The following SMAD4 variants were observed in gnomAD, a reference collection of about 807,000 sequenced individuals.
The protein encoded by SMAD4 is MAD homolog 4.
SMAD4 carries 7 observed loss-of-function variants against 63.2 expected under a neutral mutation model. That is an observed-to-expected ratio of 0.11 (90% CI 0.06 to 0.21). The LOEUF (loss-of-function observed/expected upper bound fraction) is 0.21. Among genes scored for constraint, SMAD4 ranks in the 10% least tolerant of loss-of-function variants. The probability of loss-of-function intolerance (pLI) is 1.00; values close to 1 mark genes in which losing one functional copy is unlikely to be tolerated. For missense variants in SMAD4, 312 were observed against 693.8 expected, an observed-to-expected ratio of 0.45 and a Z score of 6.18; for synonymous variants, 215 against 235.4, an observed-to-expected ratio of 0.91 and a Z score of 0.79.
chr18:51,077,881 A>C (rs965173341), intron 11 of SMAD4, among the ~76,000 whole-genome samples: 1 of 152,208 alleles, frequency 6.6e-6, no homozygotes, highest in African/African-American at 2.4e-5. Context: ...CTTATTCTGA[A>C]CTAGGCTGTT....
At chr18:51,045,428 T>G (rs1455960677) in intron 1 of SMAD4, among the ~76,000 whole-genome samples, 1 of 152,186 alleles carries the variant, frequency 6.6e-6, no homozygotes, top group African/African-American at 2.4e-5. Flanking sequence ...CAGTCCTGCT[T>G]TATCTTCTTT....
chr18:51,062,851 G>GTTTTTTTTTT lies in SMAD4; in HGVS notation c.956-2557_956-2548dup, dbSNP rs71171374. Among the ~76,000 whole-genome samples the GTTTTTTTTTT allele has an allele frequency of 1.5e-3, 101 of 65,404 alleles. 9 individuals are homozygous for GTTTTTTTTTT. The highest frequency in any genetic ancestry group is 1.8e-3 in the Non-Finnish European group (66 of 37,260). The allele number at this position is 65,404 out of a possible 152,430, so 42.9% of individuals were successfully genotyped here. On this transcript the variant is annotated intron_variant, in intron 8 of 11. Transcript: ENST00000342988. Reference sequence around the variant, plus strand: ...ACAGTCTAGTAATCTGGCTTTACTTGTTTTTTTTTTTTTTTTTTTTTTTTG... The same window carrying GTTTTTTTTTT: ...ACAGTCTAGTAATCTGGCTTTACTTGTTTTTTTTTTTTTTTTTTTTTTTTTTTTTTTTTTG...
At chr18:51,060,868 A>T (rs1393233497) in intron 8 of SMAD4, among the ~76,000 whole-genome samples, 1 of 152,004 alleles carries the variant, frequency 6.6e-6, no homozygotes, top group African/African-American at 2.4e-5. Flanking sequence ...TCCTGGGCTA[A>T]AGCAGTCCTC....
chr18:51,054,911 C>T lies in SMAD4; in HGVS notation c.585C>T (p.Tyr195=), dbSNP rs1316902116. The change falls in exon 5 of 12, where the codon TAC becomes TAT. Residue 195 remains tyrosine (Y), a synonymous_variant. Transcript: ENST00000342988. Reference sequence around the variant, plus strand: ...GTAATCGTGCATCGACAGAGACATACAGCACCCCAGCTCTGTTAGCCCCAT... The same window carrying T: ...GTAATCGTGCATCGACAGAGACATATAGCACCCCAGCTCTGTTAGCCCCAT... The part of the protein sequence containing the change: ...PPSNRASTET[Y]STPALLAPSE... 6.2e-7 allele frequency: 1 copy of T among 1,614,010 alleles called. No individual in the cohort carries two copies. Among genetic ancestry groups the T allele is most frequent in the East Asian group, 2.2e-5 (1 of 44,884 alleles).
chr18:51,048,998 A>G (rs985886127), intron 3 of SMAD4, 138 bp downstream of exon 3: 1 of 762,200 alleles, frequency 1.3e-6, no homozygotes, highest in African/African-American at 1.8e-5. Flanking sequence ...GACATTTTTA[A>G]TATACGTATT....
chr18:51,044,652 C>T (rs1909484418), intron 1 of SMAD4, among the ~76,000 whole-genome samples: 2 of 152,326 alleles, frequency 1.3e-5, no homozygotes, highest in Admixed American at 6.5e-5. Context: ...GTCGGCCTCC[C>T]AAAGTGCTGG....
chr18:51,048,182 A>G (rs1315031719), intron 2 of SMAD4, among the ~76,000 whole-genome samples: 13 of 152,090 alleles, frequency 8.5e-5, no homozygotes, highest in Admixed American at 8.5e-4. Flanking sequence ...TTTTTGAGAC[A>G]TGGTCTTACT....
At chr18:51,043,033 G>T (rs1328734669) in intron 1 of SMAD4, among the ~76,000 whole-genome samples, 1 of 152,146 alleles carries the variant, frequency 6.6e-6, no homozygotes, top group African/African-American at 2.4e-5. Flanking sequence ...AACTTAGTTG[G>T]CATGCCTGAG....
intron 5 of SMAD4, among the ~76,000 whole-genome samples, chr18:51,056,779 A>T (rs1298160684): frequency 1.3e-5 from 2 of 152,142 alleles, no homozygotes; most frequent in African/African-American, 4.8e-5. Flanking sequence ...GAATTGTATA[A>T]GGGAAGTATT....
intron 10 of SMAD4, among the ~76,000 whole-genome samples, chr18:51,075,531 C>T (rs1910449958): frequency 6.6e-6 from 1 of 152,126 alleles, no homozygotes; most frequent in Non-Finnish European, 1.5e-5. Context: ...TGTCCTTGTT[C>T]TCCTTTCCTG....
intron 10 of SMAD4, among the ~76,000 whole-genome samples, chr18:51,071,348 T>C (rs1462099793): frequency 6.6e-6 from 1 of 152,124 alleles, no homozygotes; most frequent in Non-Finnish European, 1.5e-5. Context: ...AGCCATAATT[T>C]CATTTTATAA....
rs200778699 is a variant in SMAD4, at chr18:51,049,347, C to T, written c.454+23C>T. On this transcript the variant is annotated intron_variant, in intron 4 of 11. Coordinates refer to ENST00000342988, the MANE Select transcript of SMAD4 (RefSeq NM_005359.6). ...ATGGTAGGTAATCTGTTTCTTACTA[C>T]TTTCTCTTTGTTTTGTCCTATCCTC... The T allele has an allele frequency of 3.0e-4, 477 of 1,574,666 alleles. 1 individual carries two copies. In the African/African-American group the frequency reaches 5.3e-3, roughly 17 times the overall value.
chr18:51,056,820 C>T lies in SMAD4; in HGVS notation c.668-1305C>T, dbSNP rs543773158. Among the ~76,000 whole-genome samples, 13 of 152,178 alleles carry T rather than the reference C, an allele frequency of 8.5e-5. No individual in the cohort carries two copies. The East Asian group carries it at 2.5e-3, about 29-fold the overall frequency. On this transcript the variant is annotated intron_variant, in intron 5 of 11. Coordinates refer to ENST00000342988, the MANE Select transcript of SMAD4 (RefSeq NM_005359.6). ...TGGATAACTACAGTGAGTCACTTTA[C>T]AATTTATGTTCTTTTGACACCTGAA...
chr18:51,031,013 C>T (rs891150394), intron 1 of SMAD4, among the ~76,000 whole-genome samples: 9 of 152,298 alleles, frequency 5.9e-5, no homozygotes, highest in African/African-American at 1.9e-4. Flanking sequence ...AATTGTTTGT[C>T]TAAATTTATT....
intron 7 of SMAD4, among the ~76,000 whole-genome samples, chr18:51,059,506 T>G (rs950785912): frequency 3.9e-5 from 6 of 152,242 alleles, no homozygotes; most frequent in Non-Finnish European, 5.9e-5. Context: ...GCACTTGTTT[T>G]TAGAATAGAC....
chr18:51,072,622 G>T (rs1910347545), intron 10 of SMAD4, among the ~76,000 whole-genome samples: 1 of 152,200 alleles, frequency 6.6e-6, no homozygotes, highest in Non-Finnish European at 1.5e-5. Context: ...AAGGAAAATG[G>T]CAAAATTTGA....
rs1247055953 is a variant in SMAD4 at position 51,067,740 on chromosome 18, G to T, written c.1308+553G>T. Among the ~76,000 whole-genome samples the T allele has an allele frequency of 2.6e-5, 4 of 152,116 alleles. No homozygotes were observed. The East Asian group carries it at 7.7e-4, about 29-fold the overall frequency. ...TTACATGTTTTAGAGTAATACAAAG[G>T]CTCTTGAAAATACTGAGTGAAGCCT... On this transcript the variant is annotated intron_variant, in intron 10 of 11. Coordinates refer to ENST00000342988, the MANE Select transcript of SMAD4 (RefSeq NM_005359.6).
At chr18:51,070,272 A>G (rs1349953549) in intron 10 of SMAD4, among the ~76,000 whole-genome samples, 1 of 152,212 alleles carries the variant, frequency 6.6e-6, no homozygotes, top group African/African-American at 2.4e-5. Context: ...TGGATGTCAA[A>G]TAGATACATT....
At position 51,079,187 on chromosome 18, in the gene SMAD4, G is replaced by A. The variant is rs976054814; in HGVS notation, c.*720G>A. On this transcript the variant is annotated 3_prime_UTR_variant, in exon 12 of 12. Transcript: ENST00000342988. ...ATTACGTTTGTTATTCCTAGTGGATGACTGTTGATGAAGTATACTTTTCCC... is the reference window on the plus strand; with the variant it reads ...ATTACGTTTGTTATTCCTAGTGGATAACTGTTGATGAAGTATACTTTTCCC... 8 of 232,820 alleles carry A rather than the reference G, an allele frequency of 3.4e-5. No homozygotes were observed. The highest frequency in any genetic ancestry group is 6.8e-5 in the Non-Finnish European group (8 of 117,908). 14.4% of individuals were successfully genotyped at this position (232,820 alleles called of 1,614,324 possible). A position where few individuals can be genotyped will look rare whatever the true frequency, so the allele number is the denominator to read the frequency against.
Sources: gnomAD v4.1 joint callset for allele counts (sites outside exome capture counted in the v4.1 genomes callset) on GRCh38, gnomAD v4.1.1 for gene constraint, MANE v1.5 for transcripts, NCBI Gene and HGNC (gene_info 2026-07-23, HGNC 2026-07-21) for gene names.